The following MAPK10 variants were observed in gnomAD, a reference collection of about 807,000 sequenced individuals.
MAPK10 encodes JNK3 alpha protein kinase.
MAPK10 carries 25 observed loss-of-function variants against 59.3 expected under a neutral mutation model. The observed-to-expected ratio is 0.42, with a 90% CI of 0.31 to 0.59. The LOEUF (loss-of-function observed/expected upper bound fraction) is 0.59. Among genes scored for constraint, MAPK10 ranks in the 20% least tolerant of loss-of-function variants. The pLI is 0.15. For synonymous variants in MAPK10, 190 were observed against 200.5 expected, an observed-to-expected ratio of 0.95 and a Z score of 0.44; for missense variants, 351 against 568.9, an observed-to-expected ratio of 0.62 and a Z score of 3.90.
At chr4:86,463,105 G>A (rs534041608) in intron 1 of MAPK10, among the ~76,000 whole-genome samples, 19 of 152,230 alleles carry the variant, frequency 1.2e-4, no homozygotes, top group South Asian at 4.2e-4. Flanking sequence ...TCCAGTTTTC[G>A]CAATTAAGAA....
intron 2 of MAPK10, among the ~76,000 whole-genome samples, chr4:86,314,086 A>AAAAACAT (rs2095726257): frequency 2.0e-5 from 3 of 152,184 alleles, no homozygotes; most frequent in Non-Finnish European, 4.4e-5. Flanking sequence ...AAACAAAAAC[A>AAAAACAT]GTATTTACCA....
chr4:86,549,945 G>A (rs890903086), intron 1 of MAPK10, among the ~76,000 whole-genome samples: 2 of 152,094 alleles, frequency 1.3e-5, no homozygotes, highest in African/African-American at 4.8e-5. Flanking sequence ...CAGGTTTCTA[G>A]GAATTTTTCA....
At chr4:86,366,656 TAAAA>T (rs1216202054) in intron 1 of MAPK10, among the ~76,000 whole-genome samples, 1 of 152,070 alleles carries the variant, frequency 6.6e-6, no homozygotes, top group Non-Finnish European at 1.5e-5. Context: ...TTCAGACTCT[TAAAA>T]AACAGGTTTT....
chr4:86,356,269 G>A (rs1011037231), intron 1 of MAPK10, among the ~76,000 whole-genome samples: 4 of 152,120 alleles, frequency 2.6e-5, no homozygotes, highest in African/African-American at 9.7e-5. Flanking sequence ...ATTCCTACTA[G>A]CATTATTTCC....
chr4:86,267,426 C>A (rs528848560), intron 2 of MAPK10, among the ~76,000 whole-genome samples: 4 of 152,262 alleles, frequency 2.6e-5, no homozygotes, highest in Admixed American at 6.5e-5. Context: ...ACAAGATCAG[C>A]CACTTGGAGG....
chr4:86,284,084 T>C (rs1676273515), intron 2 of MAPK10, among the ~76,000 whole-genome samples: 1 of 152,204 alleles, frequency 6.6e-6, no homozygotes. Context: ...AATTTAATAA[T>C]AATAGCTATT....
chr4:86,075,805 G>C (rs1374464682), intron 9 of MAPK10, among the ~76,000 whole-genome samples: 9 of 152,146 alleles, frequency 5.9e-5, no homozygotes, highest in South Asian at 4.1e-4. Flanking sequence ...AAAGCTGTCA[G>C]ACAGGGGCAT....
intron 2 of MAPK10, among the ~76,000 whole-genome samples, chr4:86,295,231 CCCACG>C (rs1420406996): frequency 6.6e-6 from 1 of 152,126 alleles, no homozygotes; most frequent in Non-Finnish European, 1.5e-5. Context: ...CCCCTCGGGC[CCCACG>C]CCCTCTGCCT....
intron 9 of MAPK10, among the ~76,000 whole-genome samples, chr4:86,082,508 T>C (rs2050867278): frequency 6.6e-6 from 1 of 152,156 alleles, no homozygotes; most frequent in Admixed American, 6.5e-5. Context: ...AACATATATG[T>C]AGGAGTTCAG....
chr4:86,091,489 C>T (rs1396601153), intron 9 of MAPK10: 2 of 149,864 alleles, frequency 1.3e-5, no homozygotes, highest in Non-Finnish European at 3.0e-5. Context: ...CCTAACCATT[C>T]CTCTCCTAAA....
intron 13 of MAPK10, chr4:86,026,911 C>T (rs1013142606): frequency 2.0e-5 from 3 of 152,060 alleles, no homozygotes; most frequent in Admixed American, 6.6e-5. Context: ...GCAACAAAAA[C>T]GCCCTGATTT....
At chr4:86,476,805 G>A (rs550827800) in intron 1 of MAPK10, among the ~76,000 whole-genome samples, 6 of 152,170 alleles carry the variant, frequency 3.9e-5, no homozygotes, top group Admixed American at 2.6e-4. Flanking sequence ...AACTCCAAAC[G>A]CCTGAACCAC....
intron 3 of MAPK10, among the ~76,000 whole-genome samples, chr4:86,169,694 G>C (rs1343698260): frequency 6.6e-6 from 1 of 151,858 alleles, no homozygotes; most frequent in East Asian, 1.9e-4. Context: ...CCAACATTCA[G>C]ATTCAGGAAA....
chr4:86,066,362 T>A (rs1004196617), intron 10 of MAPK10, among the ~76,000 whole-genome samples: 7 of 152,216 alleles, frequency 4.6e-5, no homozygotes, highest in African/African-American at 1.7e-4. Context: ...GTTTATTTAT[T>A]CATTGCTTTA....
chr4:86,375,078 AT>A (rs909805466), intron 1 of MAPK10, among the ~76,000 whole-genome samples: 2 of 152,166 alleles, frequency 1.3e-5, no homozygotes, highest in African/African-American at 4.8e-5. Flanking sequence ...AATGCGAGGG[AT>A]TTTTAAATTG....
chr4:86,509,652 T>C (rs1756064938), intron 1 of MAPK10, among the ~76,000 whole-genome samples: 1 of 152,138 alleles, frequency 6.6e-6, no homozygotes, highest in African/African-American at 2.4e-5. Context: ...AATTTAACCC[T>C]AAACTCATTT....
chr4:86,307,347 C>T (rs62305547), intron 2 of MAPK10, among the ~76,000 whole-genome samples: 1,733 of 152,228 alleles, frequency 0.011, 25 homozygotes, highest in Non-Finnish European at 0.015. Context: ...AAGCTCAATT[C>T]CATTCAACTG....
At chr4:86,326,610 G>A (rs1156505868) in intron 2 of MAPK10, 1 of 152,098 alleles carries the variant, frequency 6.6e-6, no homozygotes, top group Non-Finnish European at 1.5e-5. Context: ...TATACCCCTG[G>A]AGTCATCTGT....
intron 8 of MAPK10, 26 bp downstream of exon 8, chr4:86,101,026 A>T (rs369724660): frequency 6.2e-7 from 1 of 1,607,906 alleles, no homozygotes; most frequent in African/African-American, 1.3e-5. Context: ...CATGGTTTTG[A>T]TGCTGCTCTC....
Sources: gnomAD v4.1 joint callset for allele counts (sites outside exome capture counted in the v4.1 genomes callset) on GRCh38, gnomAD v4.1.1 for gene constraint, MANE v1.5 for transcripts, NCBI Gene and HGNC (gene_info 2026-07-23, HGNC 2026-07-21) for gene names.